Variants in PGCKA1 observed in about 807,000 individuals in gnomAD.
PGCKA1 encodes PDCD10 and GCKIII kinases-associated protein 1.
chr4:37,568,699 G>A, the PGCKA1 span, among the ~76,000 whole-genome samples: 1 of 152,224 alleles, frequency 6.6e-6, no homozygotes, highest in African/African-American at 2.4e-5. Context: ...GGTGCCCCAC[G>A]TGCAGCACGG....
At chr4:37,524,499 C>T in the PGCKA1 span, among the ~76,000 whole-genome samples, 6 of 152,204 alleles carry the variant, frequency 3.9e-5, no homozygotes, top group Admixed American at 2.6e-4. Context: ...GGGGGAGCAA[C>T]GGGAGAGACC....
the PGCKA1 span, among the ~76,000 whole-genome samples, chr4:37,529,942 T>A: frequency 6.6e-6 from 1 of 152,196 alleles, no homozygotes; most frequent in African/African-American, 2.4e-5. Flanking sequence ...TAAAAAATAA[T>A]GTAAGCCTTT....
chr4:37,519,222 T>C, the PGCKA1 span, among the ~76,000 whole-genome samples: 1 of 152,226 alleles, frequency 6.6e-6, no homozygotes, highest in African/African-American at 2.4e-5. Flanking sequence ...TTTGTTCTTT[T>C]TGCTTAGGAT....
chr4:37,570,146 A>ATTTTTT, the PGCKA1 span, among the ~76,000 whole-genome samples: 142 of 78,908 alleles, frequency 1.8e-3, 1 homozygote, highest in African/African-American at 5.1e-3. Context: ...CGCCTGGCTA[A>ATTTTTT]TTTTTTTTTT....
At chr4:37,548,812 T>C in the PGCKA1 span, among the ~76,000 whole-genome samples, 1 of 120,246 alleles carries the variant, frequency 8.3e-6, no homozygotes, top group Admixed American at 8.4e-5. Flanking sequence ...GACTTAAACT[T>C]TGGCAATTAA....
chr4:37,586,884 TG>T, the PGCKA1 span, among the ~76,000 whole-genome samples: 1 of 152,210 alleles, frequency 6.6e-6, no homozygotes, highest in Admixed American at 6.5e-5. Context: ...CACTCCAGCC[TG>T]GGCAACAGAG....
the PGCKA1 span, among the ~76,000 whole-genome samples, chr4:37,463,227 T>G: frequency 3.3e-5 from 5 of 152,016 alleles, no homozygotes; most frequent in Non-Finnish European, 1.5e-5. Context: ...TGGTGAGCAG[T>G]GTAGGGAAGT....
the PGCKA1 span, among the ~76,000 whole-genome samples, chr4:37,510,461 A>G: frequency 6.6e-6 from 1 of 152,124 alleles, no homozygotes; most frequent in Non-Finnish European, 1.5e-5. Flanking sequence ...CCTAACTCGT[A>G]CTGGTACCAC....
the PGCKA1 span, among the ~76,000 whole-genome samples, chr4:37,516,927 T>C: frequency 6.6e-6 from 1 of 152,152 alleles, no homozygotes; most frequent in Non-Finnish European, 1.5e-5. Flanking sequence ...TTAAAAATGA[T>C]GCAAGGTTTC....
the PGCKA1 span, among the ~76,000 whole-genome samples, chr4:37,502,287 G>A: frequency 2.2e-4 from 33 of 152,352 alleles, no homozygotes; most frequent in Non-Finnish European, 3.8e-4. Context: ...CCGGGGGCCT[G>A]CCTCCATGCA....
At chr4:37,510,752 G>C in the PGCKA1 span, among the ~76,000 whole-genome samples, 1 of 151,968 alleles carries the variant, frequency 6.6e-6, no homozygotes, top group African/African-American at 2.4e-5. Context: ...ACAATCAACA[G>C]GTGATGAAAC....
At chr4:37,458,641 TTGCAAGA>T in the PGCKA1 span, among the ~76,000 whole-genome samples, 6 of 152,250 alleles carry the variant, frequency 3.9e-5, no homozygotes, top group African/African-American at 1.4e-4. Flanking sequence ...CTCAACTTGG[TTGCAAGA>T]GAGAATGGAA....
the PGCKA1 span, among the ~76,000 whole-genome samples, chr4:37,456,624 T>A: frequency 6.6e-6 from 1 of 152,222 alleles, no homozygotes; most frequent in Admixed American, 6.5e-5. Flanking sequence ...CAAAATTTAA[T>A]AAAACCCTGA....
chr4:37,587,048 T>C, the PGCKA1 span, among the ~76,000 whole-genome samples: 1 of 152,194 alleles, frequency 6.6e-6, no homozygotes, highest in South Asian at 2.1e-4. Context: ...GGCCACACTC[T>C]TTCCAGAGGC....
chr4:37,569,113 AG>A, the PGCKA1 span, among the ~76,000 whole-genome samples: 1 of 151,362 alleles, frequency 6.6e-6, no homozygotes, highest in South Asian at 2.1e-4. Flanking sequence ...AAAGGGGGGG[AG>A]AGATTAAACA....
the PGCKA1 span, among the ~76,000 whole-genome samples, chr4:37,503,771 C>A: frequency 2.0e-5 from 3 of 152,138 alleles, no homozygotes; most frequent in African/African-American, 2.4e-5. Context: ...TGTTTGAGAT[C>A]TTTTGCCGAT....
the PGCKA1 span, among the ~76,000 whole-genome samples, chr4:37,468,667 C>G: frequency 5.9e-5 from 9 of 152,116 alleles, no homozygotes; most frequent in Non-Finnish European, 1.2e-4. Flanking sequence ...TAATTTATTT[C>G]AACTGAACAT....
chr4:37,518,174 T>C, the PGCKA1 span, among the ~76,000 whole-genome samples: 2 of 152,238 alleles, frequency 1.3e-5, no homozygotes, highest in African/African-American at 4.8e-5. Flanking sequence ...GAAACTTAGA[T>C]TGATGGCCAC....
the PGCKA1 span, among the ~76,000 whole-genome samples, chr4:37,563,872 C>T: frequency 2.0e-5 from 3 of 152,156 alleles, no homozygotes. Context: ...AGAGACATTC[C>T]CTGTCATGGA....
Sources: gnomAD v4.1 joint callset for allele counts (sites outside exome capture counted in the v4.1 genomes callset) on GRCh38, gnomAD v4.1.1 for gene constraint, MANE v1.5 for transcripts, NCBI Gene and HGNC (gene_info 2026-07-23, HGNC 2026-07-21) for gene names.